ABR: variants seen among roughly 807,000 people sequenced by gnomAD.
The protein encoded by ABR is active breakpoint cluster region-related protein.
ABR carries 35 observed loss-of-function variants against 107.2 expected under a neutral mutation model. The ratio of observed to expected loss-of-function variants is 0.33; its 90% CI spans 0.25 to 0.43. The LOEUF (loss-of-function observed/expected upper bound fraction) is 0.43, where lower values mean the gene tolerates loss of function less well. ABR is among the 20% of genes least tolerant of loss of function. The probability of loss-of-function intolerance (pLI) is 1.00; values close to 1 mark genes in which losing one functional copy is unlikely to be tolerated. For synonymous variants in ABR, 498 were observed against 462.0 expected (o/e 1.08, Z -1.00); for missense variants, 815 against 1,115.2 (o/e 0.73, Z 3.83).
intron 6 of ABR, among the ~76,000 whole-genome samples, chr17:1,073,931 C>A (rs1000550400): frequency 6.6e-6 from 1 of 152,026 alleles, no homozygotes; most frequent in Non-Finnish European, 1.5e-5. Context: ...TCAGACATGG[C>A]TTCATCGAGA....
intron 14 of ABR, among the ~76,000 whole-genome samples, chr17:1,053,809 G>C (rs1290209550): frequency 6.6e-6 from 1 of 152,064 alleles, no homozygotes; most frequent in Non-Finnish European, 1.5e-5. Flanking sequence ...GGAAGCAGGA[G>C]AGGGAGGGGC....
intron 1 of ABR, among the ~76,000 whole-genome samples, chr17:1,225,594 G>C (rs1242476806): frequency 6.6e-6 from 1 of 152,162 alleles, no homozygotes; most frequent in Non-Finnish European, 1.5e-5. Context: ...AGGGGTTGCA[G>C]TGACCCGAGA....
At chr17:1,217,937 C>T (rs1009686033) in intron 1 of ABR, among the ~76,000 whole-genome samples, 2 of 152,164 alleles carry the variant, frequency 1.3e-5, no homozygotes, top group Non-Finnish European at 2.9e-5. Context: ...TCAGGTGATC[C>T]GCCCGCCTCG....
chr17:1,118,016 T>TC (rs1443649798), intron 2 of ABR, among the ~76,000 whole-genome samples: 4 of 38,712 alleles, frequency 1.0e-4, no homozygotes, highest in Admixed American at 2.4e-4. Flanking sequence ...GAGCCTGAGT[T>TC]CTCCCCAGCG....
intron 18 of ABR, chr17:1,012,395 G>C: frequency 1.5e-6 from 1 of 666,782 alleles, no homozygotes; most frequent in Non-Finnish European, 2.8e-6. Flanking sequence ...CGTTGGTGCC[G>C]AGCCCAAACG....
Position 1,013,135 on chromosome 17 carries a change from G to C in ABR, c.1821C>G (p.Asn607Lys). ...TCATCTCAATCACGTCCGTGTGCCAGTTCTTGGTCTCCACGGTTTGTGGGT... is the reference window on the plus strand; with the variant it reads ...TCATCTCAATCACGTCCGTGTGCCACTTCTTGGTCTCCACGGTTTGTGGGT... ...QLDPQTVETK[N>K]WHTDVIEMNG... Residue 607 changes from asparagine (N) to lysine (K), a missense_variant, in exon 17 of 23, where the codon AAC becomes AAG. Physicochemically the swap from Asn to Lys is moderately conservative, Grantham distance 94 (BLOSUM62 0). Coordinates refer to ENST00000302538, the MANE Select transcript of ABR (RefSeq NM_021962.5). 2 of 1,614,210 alleles carry C rather than the reference G, an allele frequency of 1.2e-6. No individual in the cohort carries two copies. The highest frequency in any genetic ancestry group is 1.3e-5 in the African/African-American group (1 of 75,060).
At chr17:1,199,174 G>A (rs4395132) in intron 1 of ABR, among the ~76,000 whole-genome samples, 2 of 150,710 alleles carry the variant, frequency 1.3e-5, no homozygotes, top group African/African-American at 2.5e-5. Flanking sequence ...TCAGGGTCAC[G>A]AATGCCTGGT....
At chr17:1,162,042 G>A (rs144677598) in intron 1 of ABR, among the ~76,000 whole-genome samples, 7 of 152,148 alleles carry the variant, frequency 4.6e-5, no homozygotes, top group African/African-American at 1.4e-4. Context: ...ACATGGGGAC[G>A]CTGGGTTCGA....
intron 18 of ABR, 53 bp downstream of exon 18, chr17:1,012,633 TGG>T: frequency 7.4e-7 from 1 of 1,356,730 alleles, no homozygotes; most frequent in Non-Finnish European, 1.0e-6. Flanking sequence ...GGGCCCGGGC[TGG>T]GGGGGACCCG....
chr17:1,084,656 C>T lies in ABR; in HGVS notation c.532-1029G>A, dbSNP rs904873333. On this transcript the variant is annotated intron_variant, in intron 4 of 22. Transcript: ENST00000302538. This position sits in a 1 kb window ranked among gnomAD's most constrained non-coding sequence, Gnocchi z 4.2. ...AAATATTTATGGAAAGGCTTCGCTG[C>T]GCTGTATATAAGCACTTCCTCTTAA... Among the ~76,000 whole-genome samples, 15 of 152,112 alleles carry T rather than the reference C, an allele frequency of 9.9e-5. No individual in the cohort carries two copies. The highest frequency in any genetic ancestry group is 3.1e-4 in the African/African-American group (13 of 41,426).
At chr17:1,032,661 C>CAGAGGACGCCACAGGCAA (rs1407110844) in intron 16 of ABR, among the ~76,000 whole-genome samples, 3 of 148,840 alleles carry the variant, frequency 2.0e-5, no homozygotes, top group Admixed American at 6.8e-5. Context: ...GTGCTGGGCG[C>CAGAGGACGCCACAGGCAA]CTTGAGAGAG....
chr17:1,067,670 A>G (rs1231024580), intron 9 of ABR, among the ~76,000 whole-genome samples: 1 of 152,162 alleles, frequency 6.6e-6, no homozygotes, highest in Non-Finnish European at 1.5e-5. Context: ...GCCACCTCTT[A>G]TCAAGAGTGG....
At position 1,065,121 on chromosome 17, in the gene ABR, G is replaced by A. The variant is rs1200790055; in HGVS notation, c.1182+1956C>T. 4.7e-4 allele frequency among the ~76,000 whole-genome samples: 30 copies of A among 64,030 alleles called. 2 individuals are homozygous for A. Among genetic ancestry groups the A allele is most frequent in the African/African-American group, 1.7e-3 (27 of 15,806 alleles). The allele number at this position is 64,030 out of a possible 152,430, so 42.0% of individuals were successfully genotyped here. On this transcript the variant is annotated intron_variant, in intron 10 of 22. Transcript: ENST00000302538. ...TGCTGTTACGTGAACTGAGGGCTAT[G>A]CATGTTCCTCTAGACGCTGCTGTTA...
At chr17:1,209,963 C>T (rs1331117973) in intron 1 of ABR, among the ~76,000 whole-genome samples, 1 of 152,168 alleles carries the variant, frequency 6.6e-6, no homozygotes, top group African/African-American at 2.4e-5. Flanking sequence ...CTTAACTCCA[C>T]GATGATCTTT....
intron 1 of ABR, among the ~76,000 whole-genome samples, chr17:1,170,342 G>A (rs1466067327): frequency 2.0e-5 from 3 of 152,174 alleles, no homozygotes; most frequent in African/African-American, 2.4e-5. Flanking sequence ...GTAAGAGTGC[G>A]GGAGAAAGAA....
intron 1 of ABR, among the ~76,000 whole-genome samples, chr17:1,220,184 G>A (rs925847093): frequency 6.6e-5 from 10 of 151,874 alleles, no homozygotes; most frequent in Non-Finnish European, 1.0e-4. Flanking sequence ...CCAGCTACTC[G>A]GGAGGCTGAG....
At chr17:1,149,229 A>T (rs1055308702) in intron 1 of ABR, among the ~76,000 whole-genome samples, 7 of 151,992 alleles carry the variant, frequency 4.6e-5, no homozygotes, top group African/African-American at 1.7e-4. Flanking sequence ...TTAAAAAAAT[A>T]GAATAAAATC....
At chr17:1,174,363 A>C (rs2041849867) in intron 1 of ABR, among the ~76,000 whole-genome samples, 2 of 152,348 alleles carry the variant, frequency 1.3e-5, no homozygotes, top group South Asian at 4.1e-4. Flanking sequence ...TCACTAGCAC[A>C]CACGGAGGGG....
chr17:1,080,082 T>G (rs1018551229), intron 5 of ABR, among the ~76,000 whole-genome samples: 1 of 152,040 alleles, frequency 6.6e-6, no homozygotes, highest in Non-Finnish European at 1.5e-5. Context: ...CAGCCAATCT[T>G]TAGGGCATGA....
Sources: allele counts gnomAD v4.1 joint callset (sites outside exome capture counted in the v4.1 genomes callset), GRCh38; gene constraint gnomAD v4.1.1; non-coding constraint Gnocchi (gnomAD v3.1); transcripts MANE v1.5; gene names NCBI Gene and HGNC (gene_info 2026-07-23, HGNC 2026-07-21).